Variants in HPCAL1 observed in about 807,000 individuals in gnomAD.
HPCAL1 encodes hippocalcin-like protein 1.
A neutral mutation model predicts 17.1 loss-of-function variants in HPCAL1; 8 were observed. The observed-to-expected ratio is 0.47, with a 90% CI of 0.27 to 0.84. HPCAL1 has a LOEUF of 0.84. HPCAL1 is among the 40% of genes least tolerant of loss of function. HPCAL1 has a pLI of 0.13. For missense variants in HPCAL1, 165 were observed against 271.1 expected (o/e 0.61, Z 2.75); for synonymous variants, 112 against 111.4 (o/e 1.01, Z -0.03).
chr2:10,366,016 C>T (rs774109582), intron 1 of HPCAL1, among the ~76,000 whole-genome samples: 40 of 152,306 alleles, frequency 2.6e-4, no homozygotes, highest in African/African-American at 8.7e-4. Context: ...AGTTCGTCCA[C>T]GTTTGCCCAG....
At chr2:10,368,364 T>C (rs1666995208) in intron 1 of HPCAL1, among the ~76,000 whole-genome samples, 1 of 151,858 alleles carries the variant, frequency 6.6e-6, no homozygotes, top group Non-Finnish European at 1.5e-5. Context: ...TGTGTGTGCA[T>C]ATGTGTGTGT....
chr2:10,347,086 C>A (rs1490532180), intron 1 of HPCAL1, among the ~76,000 whole-genome samples: 1 of 152,032 alleles, frequency 6.6e-6, no homozygotes, highest in Non-Finnish European at 1.5e-5. Context: ...TTTCAGAAGT[C>A]TCTAGAGAGC....
chr2:10,374,308 C>CA (rs3036402), intron 1 of HPCAL1, among the ~76,000 whole-genome samples: 43,010 of 148,766 alleles, frequency 0.29, 6,424 homozygotes, highest in South Asian at 0.51. Context: ...AAATACAGGG[C>CA]AAAAAAAAAA....
rs376171717 is a variant in HPCAL1, at chr2:10,419,741, C to T, written c.-17C>T. The stretch of plus-strand genomic sequence containing the variant: ...TGACCCCCTGTCTTGCAGGTGTAGT[C>T]GCCGCCGCCAGCCGCCATGGGCAAA... On this transcript the variant is annotated 5_prime_UTR_variant, in exon 3 of 5. Coordinates refer to ENST00000307845, the MANE Select transcript of HPCAL1 (RefSeq NM_002149.4). The surrounding 1 kb of genome is among the most constrained non-coding windows in gnomAD (Gnocchi z 5.0). 5.0e-6 allele frequency: 8 copies of T among 1,596,402 alleles called. No homozygotes were observed. Among genetic ancestry groups the T allele is most frequent in the Non-Finnish European group, 6.8e-6 (8 of 1,170,460 alleles).
rs1297803207 is a variant in HPCAL1 at position 10,420,274 on chromosome 2, A to G, written c.378+139A>G. The G allele has an allele frequency of 1.3e-5, 10 of 768,180 alleles. No individual in the cohort carries two copies. In the East Asian group the frequency reaches 2.5e-4, roughly 19 times the overall value. The allele number at this position is 768,180 out of a possible 1,614,324, so 47.6% of individuals were successfully genotyped here. A position where few individuals can be genotyped will look rare whatever the true frequency, so the allele number is the denominator to read the frequency against. ...CTAGTGACTGGAGTGCAGTGGCACT[A>G]TCTCAGCTCACTGCAACCTCTGCCT... On this transcript the variant is annotated intron_variant, in intron 3 of 4. Transcript: ENST00000307845.
intron 1 of HPCAL1, among the ~76,000 whole-genome samples, chr2:10,388,132 G>A (rs1558508415): frequency 6.6e-6 from 1 of 152,188 alleles, no homozygotes; most frequent in South Asian, 2.1e-4. Flanking sequence ...AAGACAGACA[G>A]CAGACAGTTG....
chr2:10,399,541 CCATCA>C (rs1669433643), intron 2 of HPCAL1, among the ~76,000 whole-genome samples: 2 of 120,928 alleles, frequency 1.7e-5, no homozygotes, highest in African/African-American at 8.5e-5. Context: ...GCCACCGCCA[CCATCA>C]CCGCCACCAC....
rs181825014 is a variant in HPCAL1 at position 10,419,097 on chromosome 2, G to A, written c.-24-637G>A. Among the ~76,000 whole-genome samples the A allele has an allele frequency of 5.1e-4, 77 of 152,234 alleles. No individual in the cohort carries two copies. The East Asian group carries it at 0.014, about 27-fold the overall frequency. On this transcript the variant is annotated intron_variant, in intron 2 of 4. Coordinates refer to ENST00000307845, the MANE Select transcript of HPCAL1 (RefSeq NM_002149.4). This position sits in a 1 kb window ranked among gnomAD's most constrained non-coding sequence, Gnocchi z 5.0. ...GCGGTGGTGCATGCCTGTAATCCCA[G>A]CTACTCAGGAGGCTGAGGCAGGAGA...
intron 1 of HPCAL1, among the ~76,000 whole-genome samples, chr2:10,356,143 G>A (rs753911488): frequency 1.3e-5 from 2 of 152,184 alleles, no homozygotes; most frequent in Non-Finnish European, 2.9e-5. Context: ...TAAGAGGCAG[G>A]TGTTACCTCT....
At chr2:10,329,274 C>T (rs1181407782) in intron 1 of HPCAL1, among the ~76,000 whole-genome samples, 1 of 152,230 alleles carries the variant, frequency 6.6e-6, no homozygotes, top group Non-Finnish European at 1.5e-5. Context: ...GATATGTTGC[C>T]TTATACGGTA....
At chr2:10,364,143 C>G (rs1666692185) in intron 1 of HPCAL1, among the ~76,000 whole-genome samples, 1 of 152,198 alleles carries the variant, frequency 6.6e-6, no homozygotes, top group Non-Finnish European at 1.5e-5. Context: ...TCCTGCCCTG[C>G]CTGGGTGCAC....
At chr2:10,393,171 A>G (rs1558512099) in intron 1 of HPCAL1, among the ~76,000 whole-genome samples, 3 of 152,248 alleles carry the variant, frequency 2.0e-5, no homozygotes, top group Admixed American at 6.5e-5. Flanking sequence ...ATAACTCAAC[A>G]TAATTATTTC....
At chr2:10,420,540 C>T (rs1670999472) in intron 3 of HPCAL1, among the ~76,000 whole-genome samples, 1 of 151,940 alleles carries the variant, frequency 6.6e-6, no homozygotes, top group South Asian at 2.1e-4. Flanking sequence ...CTTTCTTGGC[C>T]AGGTTGCTAC....
rs373125886 is a variant in HPCAL1 at position 10,339,401 on chromosome 2, G to A, written c.-111+36224G>A. On this transcript the variant is annotated intron_variant, in intron 1 of 4. Coordinates refer to ENST00000307845, the MANE Select transcript of HPCAL1 (RefSeq NM_002149.4). The stretch of plus-strand genomic sequence containing the variant: ...GCTCACTGCAACCTCCGCCTCCCGG[G>A]TTTAAGCAATTCTCTGCCTCAGCCT... Among the ~76,000 whole-genome samples the A allele has an allele frequency of 1.9e-3, 292 of 152,212 alleles. 1 individual carries two copies. The highest frequency in any genetic ancestry group is 0.014 in the Middle Eastern group (4 of 294).
At chr2:10,361,395 T>C (rs1666518696) in intron 1 of HPCAL1, among the ~76,000 whole-genome samples, 1 of 152,082 alleles carries the variant, frequency 6.6e-6, no homozygotes, top group East Asian at 1.9e-4. Flanking sequence ...TGCCTTCAAA[T>C]TATTGGAAGG....
chr2:10,398,771 C>T (rs1404091766), intron 2 of HPCAL1, among the ~76,000 whole-genome samples: 1 of 152,192 alleles, frequency 6.6e-6, no homozygotes, highest in African/African-American at 2.4e-5. Flanking sequence ...TCCGCTTTCT[C>T]CTTGCCACAG....
chr2:10,348,410 C>T (rs1026698160), intron 1 of HPCAL1, among the ~76,000 whole-genome samples: 3 of 152,114 alleles, frequency 2.0e-5, no homozygotes, highest in African/African-American at 7.2e-5. Context: ...GATCGCTCCA[C>T]TGCACTCCAG....
intron 2 of HPCAL1, among the ~76,000 whole-genome samples, chr2:10,410,436 CTTTTTTTTTTTTT>C (rs36002921): frequency 5.4e-4 from 42 of 77,496 alleles, no homozygotes; most frequent in African/African-American, 2.0e-3. Flanking sequence ...TCTTCTTCTT[CTTTTTTTTTTTTT>C]TTTTTTTTTT....
chr2:10,397,504 C>T (rs952502295), intron 2 of HPCAL1, among the ~76,000 whole-genome samples: 3 of 148,070 alleles, frequency 2.0e-5, no homozygotes, highest in African/African-American at 7.5e-5. Flanking sequence ...GAATCCGCCA[C>T]CCTGCAGCCC....
Sources: gnomAD v4.1 joint callset for allele counts (sites outside exome capture counted in the v4.1 genomes callset) on GRCh38, gnomAD v4.1.1 for gene constraint, Gnocchi (gnomAD v3.1) non-coding constraint, MANE v1.5 for transcripts, NCBI Gene and HGNC (gene_info 2026-07-23, HGNC 2026-07-21) for gene names.